The following TTC34 variants were observed in gnomAD, a reference collection of about 807,000 sequenced individuals.
TTC34 encodes tetratricopeptide repeat domain 34, also known as tetratricopeptide repeat protein 34.
In TTC34, 44 loss-of-function variants were observed where a neutral mutation model predicts 40.7. The ratio of observed to expected loss-of-function variants is 1.08; its 90% CI spans 0.85 to 1.39. The LOEUF (loss-of-function observed/expected upper bound fraction) is 1.39, where lower values mean the gene tolerates loss of function less well. Among genes scored for constraint, TTC34 ranks in the 40% most tolerant of loss-of-function variants. The pLI is 0.00. For missense variants in TTC34, 884 were observed against 838.0 expected (o/e 1.05, Z -0.68); for synonymous variants, 422 against 398.6 (o/e 1.06, Z -0.70).
At chr1:2,753,299 C>CCG (rs1641388182) in intron 6 of TTC34, among the ~76,000 whole-genome samples, 3 of 79,246 alleles carry the variant, frequency 3.8e-5, no homozygotes, top group African/African-American at 1.9e-4. Context: ...CCTGCACACC[C>CCG]AGGTGAGCAT....
intron 6 of TTC34, among the ~76,000 whole-genome samples, chr1:2,685,259 C>T (rs1318168677): frequency 4.7e-5 from 4 of 85,718 alleles, no homozygotes; most frequent in African/African-American, 4.9e-5. Flanking sequence ...CATCTGAGAG[C>T]CTGGAACAGC....
chr1:2,768,495 C>G (rs2100480576), intron 6 of TTC34, among the ~76,000 whole-genome samples: 1 of 150,788 alleles, frequency 6.6e-6, no homozygotes, highest in South Asian at 2.1e-4. Context: ...GAAAAGCTCC[C>G]CGCCCTCAGG....
At chr1:2,774,987 C>T (rs1307234505) in intron 6 of TTC34, 1 of 124,934 alleles carries the variant, frequency 8.0e-6, no homozygotes, top group African/African-American at 3.0e-5. Context: ...CACCCTGCAC[C>T]CCCAGGTGAG....
chr1:2,794,395 T>C (rs1302270839), intron 2 of TTC34, among the ~76,000 whole-genome samples: 1 of 152,236 alleles, frequency 6.6e-6, no homozygotes, highest in East Asian at 1.9e-4. Context: ...TTTCTGTCCC[T>C]GTGGTAAATG....
intron 6 of TTC34, among the ~76,000 whole-genome samples, chr1:2,757,670 C>T (rs1416426703): frequency 7.3e-6 from 1 of 136,596 alleles, no homozygotes; most frequent in South Asian, 2.3e-4. Flanking sequence ...AGGACCCACA[C>T]CCCTAGGTGA....
intron 6 of TTC34, among the ~76,000 whole-genome samples, chr1:2,653,699 A>G (rs1448589253): frequency 6.6e-6 from 1 of 152,032 alleles, no homozygotes. Flanking sequence ...CCCCCAGGTG[A>G]GCATCTGATG....
At position 2,753,330 on chromosome 1, in the gene TTC34, C is replaced by T. The variant is rs1368995275; in HGVS notation, c.2226+30279G>A. Among the ~76,000 whole-genome samples the T allele has an allele frequency of 1.0e-4, 10 of 99,666 alleles. No individual in the cohort carries two copies. In the South Asian group the frequency reaches 1.4e-3, roughly 14 times the overall value. 65.4% of individuals were successfully genotyped at this position (99,666 alleles called of 152,430 possible). A position where few individuals can be genotyped will look rare whatever the true frequency, so the allele number is the denominator to read the frequency against. On this transcript the variant is annotated intron_variant, in intron 6 of 8. Coordinates refer to ENST00000401095, the Ensembl canonical transcript of TTC34. ...AGCATCCGACAGCCTGGAGCATCAC[C>T]CACACCCCCAGACGAGCATCTGACA...
At chr1:2,753,205 G>A (rs1187552810) in intron 6 of TTC34, among the ~76,000 whole-genome samples, 3 of 95,054 alleles carry the variant, frequency 3.2e-5, no homozygotes, top group African/African-American at 5.3e-5. Context: ...TCGTGCAGCA[G>A]CACCCCACAC....
chr1:2,767,749 T>C (rs1304637352), intron 6 of TTC34, among the ~76,000 whole-genome samples: 1 of 138,668 alleles, frequency 7.2e-6, no homozygotes, highest in Non-Finnish European at 1.6e-5. Context: ...TATGACAGAA[T>C]AAAGCAGCAC....
At chr1:2,688,386 G>T (rs1358154058) in intron 6 of TTC34, among the ~76,000 whole-genome samples, 102 of 151,688 alleles carry the variant, frequency 6.7e-4, no homozygotes, top group Non-Finnish European at 9.2e-4. Context: ...GTGAGCATCT[G>T]ACAGCCTGGA....
At chr1:2,752,531 T>C (rs1445852679) in intron 6 of TTC34, among the ~76,000 whole-genome samples, 1,825 of 14,630 alleles carry the variant, frequency 0.12, 1 homozygote, top group Middle Eastern at 0.21. Context: ...AGCACCCACA[T>C]CCCCAGGTGA....
rs1481975862 is a variant in TTC34 at position 2,682,226 on chromosome 1, C to G, written c.2227-36663G>C. On this transcript the variant is annotated intron_variant, in intron 6 of 8. Transcript: ENST00000401095. Reference sequence around the variant, plus strand: ...ATCCGATAACCTGGAGCAGCACCCACAACCCCAAGTGAGCATCTGATTGTC... The same window carrying G: ...ATCCGATAACCTGGAGCAGCACCCAGAACCCCAAGTGAGCATCTGATTGTC... Among the ~76,000 whole-genome samples, 22 of 133,764 alleles carry G rather than the reference C, an allele frequency of 1.6e-4. No homozygotes were observed. The South Asian group carries it at 3.2e-3, about 19-fold the overall frequency. The allele number at this position is 133,764 out of a possible 152,430, so 87.8% of individuals were successfully genotyped here. A position where few individuals can be genotyped will look rare whatever the true frequency, so the allele number is the denominator to read the frequency against.
intron 6 of TTC34, among the ~76,000 whole-genome samples, chr1:2,686,226 G>A (rs1253365367): frequency 1.4e-5 from 2 of 145,512 alleles, no homozygotes; most frequent in Non-Finnish European, 3.0e-5. Context: ...TGACAGCCTG[G>A]AGCAGTGCCC....
chr1:2,645,500 G>C lies in TTC34; in HGVS notation c.2290C>G (p.Arg764Gly). The stretch of plus-strand genomic sequence containing the variant: ...GCCTGGGCTTCCGGCTTCAGAGAGC[G>C]GAGCTCAGGGACCACAGTCCCGGGG... Residue 764 changes from arginine to glycine, a missense_variant, in exon 7 of 9, where the codon CGC becomes GGC. Arg to Gly is a moderately radical substitution (Grantham distance 125). Coordinates refer to ENST00000401095, the Ensembl canonical transcript of TTC34. This position sits in a 1 kb window ranked among gnomAD's most constrained non-coding sequence, Gnocchi z 4.7. 2.6e-6 allele frequency: 4 copies of C among 1,525,874 alleles called. No individual in the cohort carries two copies. The highest frequency in any genetic ancestry group is 2.6e-6 in the Non-Finnish European group (3 of 1,141,952). The allele number at this position is 1,525,874 out of a possible 1,614,324, so 94.5% of individuals were successfully genotyped here.
rs1641281735 is a variant in TTC34 at position 2,750,547 on chromosome 1, C to G, written c.2226+33062G>C. ...CATCCCCAAGCGAGCATCCGACAGC[C>G]TGGGGCAGCACCCACACCCCCAGGT... On this transcript the variant is annotated intron_variant, in intron 6 of 8. Transcript: ENST00000401095. Among the ~76,000 whole-genome samples, 41 of 152,042 alleles carry G rather than the reference C, an allele frequency of 2.7e-4. 3 individuals carry two copies. Among genetic ancestry groups the G allele is most frequent in the African/African-American group, 9.9e-4 (41 of 41,482 alleles).
chr1:2,748,996 C>T (rs1441598795), intron 6 of TTC34, among the ~76,000 whole-genome samples: 1 of 131,122 alleles, frequency 7.6e-6, no homozygotes, highest in Non-Finnish European at 1.6e-5. Context: ...GGAACAGCAC[C>T]CACACGCCCA....
At chr1:2,685,942 C>A (rs1399360519) in intron 6 of TTC34, among the ~76,000 whole-genome samples, 1 of 137,170 alleles carries the variant, frequency 7.3e-6, no homozygotes, top group Non-Finnish European at 1.6e-5. Flanking sequence ...ATGTGACAGC[C>A]GGGAACAGCA....
At chr1:2,756,930 T>A (rs1439184885) in intron 6 of TTC34, among the ~76,000 whole-genome samples, 265 of 57,186 alleles carry the variant, frequency 4.6e-3, no homozygotes, top group East Asian at 0.012. Flanking sequence ...TCTGACAGCC[T>A]GGAACAGAAC....
intron 6 of TTC34, among the ~76,000 whole-genome samples, chr1:2,753,086 C>A (rs1446216591): frequency 3.3e-5 from 4 of 121,916 alleles, no homozygotes; most frequent in East Asian, 2.5e-4. Context: ...CCTGGAACGG[C>A]AACCACACCC....
Sources: gnomAD v4.1 joint callset for allele counts (sites outside exome capture counted in the v4.1 genomes callset) on GRCh38, gnomAD v4.1.1 for gene constraint, Gnocchi (gnomAD v3.1) non-coding constraint, MANE v1.5 for transcripts, NCBI Gene and HGNC (gene_info 2026-07-23, HGNC 2026-07-21) for gene names.